The following SLC39A14 variants were observed in gnomAD, a reference collection of about 807,000 sequenced individuals.
The protein encoded by SLC39A14 is solute carrier family 39 member 14, also known as metal cation symporter ZIP14.
Under a neutral mutation model 45.5 loss-of-function variants are expected in SLC39A14, and 19 were observed. The observed-to-expected ratio is 0.42, with a 90% CI of 0.29 to 0.61. The LOEUF is 0.61. Ranked by LOEUF, SLC39A14 falls within the 20% of genes least tolerant of loss-of-function variation. SLC39A14 has a pLI of 0.22. For synonymous variants in SLC39A14, 264 were observed against 251.3 expected (o/e 1.05, Z -0.48); for missense variants, 447 against 616.5 (o/e 0.73, Z 2.91).
chr8:22,408,540 C>A (rs766565831), intron 3 of SLC39A14, 44 bp downstream of exon 3: 2 of 1,565,970 alleles, frequency 1.3e-6, no homozygotes, highest in Non-Finnish European at 1.7e-6. Flanking sequence ...CCATCTCGCC[C>A]GCGTCTCACA....
Position 22,422,418 on chromosome 8 carries a change from G to A in SLC39A14, c.*2720G>A, listed in dbSNP as rs566738409. The A allele has an allele frequency of 1.4e-4, 137 of 985,820 alleles. 1 individual carries two copies. The highest frequency in any genetic ancestry group is 1.1e-3 in the African/African-American group (63 of 57,348). 61.1% of individuals were successfully genotyped at this position (985,820 alleles called of 1,614,324 possible). On this transcript the variant is annotated 3_prime_UTR_variant, in exon 9 of 9. Coordinates refer to ENST00000381237, the MANE Select transcript of SLC39A14 (RefSeq NM_001128431.4). ...AAGAAGGCTTCTCTGTTTGGGTAGC[G>A]TAAGAGCTGAGTATAGTAAGTCCTC...
In SLC39A14 at chr8:22,419,300, C is replaced by G. The variant is rs148886103; in HGVS notation, c.1333-252C>G. Among the ~76,000 whole-genome samples, 568 of 152,288 alleles carry G rather than the reference C, an allele frequency of 3.7e-3. 1 individual carries two copies. The highest frequency in any genetic ancestry group is 0.012 in the African/African-American group (512 of 41,556). On this transcript the variant is annotated intron_variant, in intron 8 of 8. Transcript: ENST00000381237. ...CCGGGTTCAAGCAATTCTCCTGCCT[C>G]AGCCTCCCAAGTAGCTGGGACTACA...
intron 1 of SLC39A14, chr8:22,398,534 C>T (rs1834648558): frequency 6.4e-6 from 1 of 155,258 alleles, no homozygotes; most frequent in Non-Finnish European, 1.4e-5. Context: ...CCAGCAGAGT[C>T]GGGGTGCGGT....
chr8:22,430,465 T>G (rs1836449809), intron 8 of SLC39A14, among the ~76,000 whole-genome samples: 1 of 152,154 alleles, frequency 6.6e-6, no homozygotes, highest in Non-Finnish European at 1.5e-5. Context: ...GGGGAGGAAG[T>G]TGACAGGATA....
At position 22,414,882 on chromosome 8, in the gene SLC39A14, C is replaced by T. The variant is rs1344284153; in HGVS notation, c.730C>T (p.Leu244Phe). The stretch of plus-strand genomic sequence containing the variant: ...TTTCACAGAGAAGATCTTGAAGATT[C>T]TTCTTAAGCAGAAAAATGAGGTGAG... ...FFFTEKILKI[L>F]LKQKNEHHHG... Residue 244 changes from leucine to phenylalanine, a missense_variant, in exon 5 of 9, where the codon CTT becomes TTT. By Grantham distance (22) the Leu-to-Phe change is conservative. Transcript: ENST00000381237. 1 of 1,612,320 alleles carries T rather than the reference C, an allele frequency of 6.2e-7. No individual in the cohort carries two copies. The highest frequency in any genetic ancestry group is 8.5e-7 in the Non-Finnish European group (1 of 1,179,718).
chr8:22,384,389 G>A (rs1586658328), intron 1 of SLC39A14, among the ~76,000 whole-genome samples: 1 of 151,796 alleles, frequency 6.6e-6, no homozygotes, highest in Non-Finnish European at 1.5e-5. Flanking sequence ...CTGCCCGCCC[G>A]GGCCTCTCTC....
intron 1 of SLC39A14, among the ~76,000 whole-genome samples, chr8:22,380,326 A>G (rs1833438184): frequency 6.6e-6 from 1 of 152,140 alleles, no homozygotes; most frequent in Non-Finnish European, 1.5e-5. Flanking sequence ...GGGAAAACTG[A>G]GGTCAGAGAG....
At position 22,419,738 on chromosome 8, in the gene SLC39A14, G is replaced by A. The variant is rs776263160; in HGVS notation, c.*40G>A. ...CCTGTGGGACTGGAAGTCGGGCCCT[G>A]GGCTGCCCGATCGCCAGCCCGAGGA... On this transcript the variant is annotated 3_prime_UTR_variant, in exon 9 of 9. Transcript: ENST00000381237. 13 of 1,533,812 alleles carry A rather than the reference G, an allele frequency of 8.5e-6. No homozygotes were observed. The East Asian group carries it at 2.7e-4, about 32-fold the overall frequency.
At chr8:22,406,938 C>T in intron 2 of SLC39A14, among the ~76,000 whole-genome samples, 1 of 152,152 alleles carries the variant, frequency 6.6e-6, no homozygotes, top group South Asian at 2.1e-4. Flanking sequence ...CAGAGATAAG[C>T]CCATGTGAGA....
At chr8:22,394,032 G>A (rs1369273606) in intron 1 of SLC39A14, among the ~76,000 whole-genome samples, 1 of 140,786 alleles carries the variant, frequency 7.1e-6, no homozygotes, top group Non-Finnish European at 1.5e-5. Context: ...TTTTGAGACA[G>A]AGTCTCGCTC....
chr8:22,431,335 CT>C (rs1157489383), intron 8 of SLC39A14, among the ~76,000 whole-genome samples: 1 of 152,070 alleles, frequency 6.6e-6, no homozygotes, highest in Non-Finnish European at 1.5e-5. Flanking sequence ...TATAATATAC[CT>C]TTTGTTTTGT....
intron 3 of SLC39A14, among the ~76,000 whole-genome samples, chr8:22,410,907 A>T (rs1044439642): frequency 2.6e-5 from 4 of 152,168 alleles, no homozygotes; most frequent in Non-Finnish European, 5.9e-5. Context: ...CCCATTAGGG[A>T]GTCATGGATG....
chr8:22,418,180 G>C (rs935042128), intron 8 of SLC39A14, among the ~76,000 whole-genome samples: 1 of 152,162 alleles, frequency 6.6e-6, no homozygotes, highest in Non-Finnish European at 1.5e-5. Flanking sequence ...TGAGATTACA[G>C]GCATGAACCA....
At chr8:22,386,281 T>G (rs917758796) in intron 1 of SLC39A14, among the ~76,000 whole-genome samples, 1 of 151,560 alleles carries the variant, frequency 6.6e-6, no homozygotes, top group African/African-American at 2.4e-5. Context: ...TTTTTTTTTT[T>G]TTTGAAATGG....
intron 1 of SLC39A14, among the ~76,000 whole-genome samples, chr8:22,377,653 A>T (rs1040479691): frequency 6.6e-6 from 1 of 152,062 alleles, no homozygotes; most frequent in Non-Finnish European, 1.5e-5. Context: ...AAACCCTCTC[A>T]GTCATTTTCT....
chr8:22,412,559 G>A (rs1179875306), intron 4 of SLC39A14, among the ~76,000 whole-genome samples: 1 of 152,236 alleles, frequency 6.6e-6, no homozygotes, highest in Non-Finnish European at 1.5e-5. Flanking sequence ...GGAAAGTGCT[G>A]TCTGATGTGG....
intron 1 of SLC39A14, among the ~76,000 whole-genome samples, chr8:22,400,624 G>T (rs870215): frequency 6.6e-6 from 1 of 152,112 alleles, no homozygotes; most frequent in Non-Finnish European, 1.5e-5. Context: ...ACAAACCGTC[G>T]TTGTGGCTGA....
intron 1 of SLC39A14, among the ~76,000 whole-genome samples, chr8:22,394,194 G>A (rs770794211): frequency 2.8e-4 from 42 of 151,358 alleles, no homozygotes; most frequent in Non-Finnish European, 5.6e-4. Context: ...TTTAGTAGAA[G>A]CGGGGTTTCA....
intron 8 of SLC39A14, among the ~76,000 whole-genome samples, chr8:22,427,939 CAGG>C (rs763920319): frequency 7.9e-5 from 12 of 152,066 alleles, no homozygotes; most frequent in Non-Finnish European, 1.6e-4. Flanking sequence ...GAGATTGAGA[CAGG>C]AGGATTGCTT....
Sources: gnomAD v4.1 joint callset for allele counts (sites outside exome capture counted in the v4.1 genomes callset) on GRCh38, gnomAD v4.1.1 for gene constraint, MANE v1.5 for transcripts, NCBI Gene and HGNC (gene_info 2026-07-23, HGNC 2026-07-21) for gene names.